Variants in KCNIP3 observed in about 807,000 individuals in gnomAD.
KCNIP3 encodes the protein potassium voltage-gated channel interacting protein 3, also known as calsenilin.
A neutral mutation model predicts 35.0 loss-of-function variants in KCNIP3; 28 were observed. That is an observed-to-expected ratio of 0.80 (90% CI 0.59 to 1.10). The LOEUF is 1.10. Ranked by LOEUF, KCNIP3 falls within the 50% of genes least tolerant of loss-of-function variation. KCNIP3 has a pLI of 0.00. For missense variants in KCNIP3, 295 were observed against 338.4 expected, an observed-to-expected ratio of 0.87 and a Z score of 1.01; for synonymous variants, 134 against 133.8, an observed-to-expected ratio of 1.00 and a Z score of -0.01.
intron 2 of KCNIP3, among the ~76,000 whole-genome samples, chr2:95,332,909 T>C (rs1189566704): frequency 1.3e-5 from 2 of 152,186 alleles, no homozygotes; most frequent in Non-Finnish European, 2.9e-5. Flanking sequence ...GGAATCACAA[T>C]TACATCCTTG....
At chr2:95,345,203 C>T (rs1679316813) in intron 2 of KCNIP3, among the ~76,000 whole-genome samples, 1 of 152,278 alleles carries the variant, frequency 6.6e-6, no homozygotes, top group African/African-American at 2.4e-5. Flanking sequence ...TCATTTCCCA[C>T]CAGAAACAGG....
In KCNIP3 at chr2:95,383,305, C is replaced by T. The variant is rs369008673; in HGVS notation, c.723+11C>T. On this transcript the variant is annotated intron_variant, in intron 8 of 8. Coordinates refer to ENST00000295225, the MANE Select transcript of KCNIP3 (RefSeq NM_013434.5). ...GAGGCCTGTCAGAAGGTAGGTGGCA[C>T]GGGAGGCTGGGCCACAGTTCTCTGC... The T allele has an allele frequency of 1.2e-4, 194 of 1,612,902 alleles. No homozygotes were observed. In the African/African-American group the frequency reaches 1.4e-3, roughly 11 times the overall value.
chr2:95,374,531 TG>T, intron 3 of KCNIP3, 111 bp downstream of exon 3: 1 of 1,357,760 alleles, frequency 7.4e-7, no homozygotes, highest in South Asian at 1.4e-5. Flanking sequence ...GGGGCTTATG[TG>T]TTGTGGGAAA....
chr2:95,325,844 TAC>T (rs1016653498), intron 2 of KCNIP3, among the ~76,000 whole-genome samples: 17 of 55,284 alleles, frequency 3.1e-4, no homozygotes, highest in South Asian at 1.8e-3. Context: ...TACACACTCA[TAC>T]ACACATACAC....
At chr2:95,333,145 C>G (rs1237764827) in intron 2 of KCNIP3, among the ~76,000 whole-genome samples, 7 of 152,172 alleles carry the variant, frequency 4.6e-5, no homozygotes, top group Admixed American at 3.9e-4. Context: ...ATAGAGAAAA[C>G]AAAAACCAAA....
chr2:95,329,221 C>CG (rs79339598), intron 2 of KCNIP3, among the ~76,000 whole-genome samples: 146,411 of 151,994 alleles, frequency 0.96, 70,417 homozygotes, highest in East Asian at 1. Flanking sequence ...GCTCCCAGCG[C>CG]GGGCCAAGCC....
intron 2 of KCNIP3, among the ~76,000 whole-genome samples, chr2:95,359,741 G>C (rs912900761): frequency 2.0e-5 from 3 of 152,260 alleles, no homozygotes; most frequent in African/African-American, 7.2e-5. Context: ...AACTCTGTGT[G>C]CCTGCAGAAT....
intron 2 of KCNIP3, among the ~76,000 whole-genome samples, chr2:95,346,168 G>A (rs1273427784): frequency 5.9e-5 from 9 of 152,192 alleles, no homozygotes; most frequent in Admixed American, 3.3e-4. Flanking sequence ...TTTAATCTCC[G>A]GCGGAGGACC....
At chr2:95,346,527 C>T (rs1558769769) in intron 2 of KCNIP3, among the ~76,000 whole-genome samples, 2 of 148,206 alleles carry the variant, frequency 1.3e-5, no homozygotes, top group African/African-American at 4.9e-5. Context: ...GGCCGCCGCG[C>T]CTAGGCCAAT....
chr2:95,363,063 ATCT>A (rs912073765), intron 2 of KCNIP3, among the ~76,000 whole-genome samples: 7 of 152,150 alleles, frequency 4.6e-5, no homozygotes. Context: ...ACTCTACGCT[ATCT>A]TCTTCTATTC....
intron 2 of KCNIP3, among the ~76,000 whole-genome samples, chr2:95,334,674 G>A (rs1371776376): frequency 6.6e-6 from 1 of 152,318 alleles, no homozygotes; most frequent in Non-Finnish European, 1.5e-5. Context: ...ATCTGGGTAG[G>A]GGCATGAAAA....
chr2:95,341,708 A>C (rs1679198933), intron 2 of KCNIP3, among the ~76,000 whole-genome samples: 1 of 152,210 alleles, frequency 6.6e-6, no homozygotes, highest in Admixed American at 6.5e-5. Context: ...CCAGGAACTC[A>C]GCCCTGGTTC....
intron 1 of KCNIP3, among the ~76,000 whole-genome samples, chr2:95,305,732 T>A (rs1678149699): frequency 6.6e-6 from 1 of 152,226 alleles, no homozygotes; most frequent in Non-Finnish European, 1.5e-5. Context: ...CAATGTTATA[T>A]AAATAGAATC....
intron 2 of KCNIP3, among the ~76,000 whole-genome samples, chr2:95,316,140 G>A (rs1253691857): frequency 6.6e-6 from 1 of 152,226 alleles, no homozygotes; most frequent in Non-Finnish European, 1.5e-5. Context: ...TTCCCCTCTG[G>A]GGGCCTGCCA....
intron 2 of KCNIP3, chr2:95,313,925 A>T (rs1573483262): frequency 6.6e-6 from 1 of 152,006 alleles, no homozygotes; most frequent in African/African-American, 2.4e-5. Flanking sequence ...TCACACACAC[A>T]CACACACATA....
chr2:95,326,353 AACAC>A (rs1678791682), intron 2 of KCNIP3, among the ~76,000 whole-genome samples: 1 of 152,040 alleles, frequency 6.6e-6, no homozygotes, highest in Non-Finnish European at 1.5e-5. Flanking sequence ...TGCACACATA[AACAC>A]ACACCCCAGT....
chr2:95,363,973 A>G (rs762419033), intron 2 of KCNIP3, among the ~76,000 whole-genome samples: 7 of 152,116 alleles, frequency 4.6e-5, no homozygotes, highest in Non-Finnish European at 1.0e-4. Flanking sequence ...AATAATGTTA[A>G]TTTTATCCTT....
rs6757300 is a variant in KCNIP3, at chr2:95,300,948, G to A, written c.15+3495G>A. 1.1e-4 allele frequency among the ~76,000 whole-genome samples: 16 copies of A among 152,314 alleles called. No homozygotes were observed. In the East Asian group the frequency reaches 3.1e-3, roughly 29 times the overall value. On this transcript the variant is annotated intron_variant, in intron 1 of 8. Coordinates refer to ENST00000295225, the MANE Select transcript of KCNIP3 (RefSeq NM_013434.5). ...TGGTCTTTTCTGGCCTCACCTCCCA[G>A]CCTGCCCAACGCCCCCAGCCTTCCC...
intron 2 of KCNIP3, among the ~76,000 whole-genome samples, chr2:95,339,671 C>G (rs190664276): frequency 1.1e-4 from 16 of 152,276 alleles, no homozygotes; most frequent in African/African-American, 3.9e-4. Flanking sequence ...TAGCATCAGT[C>G]TTATCTCTTC....
Sources: allele counts gnomAD v4.1 joint callset (sites outside exome capture counted in the v4.1 genomes callset), GRCh38; gene constraint gnomAD v4.1.1; transcripts MANE v1.5; gene names NCBI Gene and HGNC (gene_info 2026-07-23, HGNC 2026-07-21).